SLC4A10: variants seen among roughly 807,000 people sequenced by gnomAD.
SLC4A10 encodes solute carrier family 4 member 10, also known as sodium-driven chloride bicarbonate exchanger.
SLC4A10 carries 42 observed loss-of-function variants against 137.7 expected under a neutral mutation model. The observed-to-expected ratio is 0.30, with a 90% CI of 0.24 to 0.39. SLC4A10 has a LOEUF of 0.39. Among genes scored for constraint, SLC4A10 ranks in the 10% least tolerant of loss-of-function variants. SLC4A10 has a pLI of 1.00. For synonymous variants in SLC4A10, 474 were observed against 464.1 expected (o/e 1.02, Z -0.27); for missense variants, 925 against 1,355.0 (o/e 0.68, Z 4.98).
intron 3 of SLC4A10, among the ~76,000 whole-genome samples, chr2:161,831,846 C>T (rs1216898577): frequency 6.6e-6 from 1 of 152,018 alleles, no homozygotes; most frequent in East Asian, 1.9e-4. Context: ...ATTTTTCTTT[C>T]TTTTTCTGAG....
chr2:161,703,405 A>G (rs2043323563), intron 1 of SLC4A10, among the ~76,000 whole-genome samples: 1 of 151,674 alleles, frequency 6.6e-6, no homozygotes, highest in South Asian at 2.1e-4. Flanking sequence ...TACTTGGTAA[A>G]GATTAATAGT....
At chr2:161,661,238 G>T (rs887161764) in intron 1 of SLC4A10, among the ~76,000 whole-genome samples, 1 of 152,156 alleles carries the variant, frequency 6.6e-6, no homozygotes, top group Non-Finnish European at 1.5e-5. Context: ...ACTTTGGGAG[G>T]CTGAGGTGGG....
chr2:161,671,976 G>A (rs1397514921), intron 1 of SLC4A10, among the ~76,000 whole-genome samples: 2 of 152,178 alleles, frequency 1.3e-5, no homozygotes, highest in Admixed American at 6.6e-5. Context: ...GTGTGAATTA[G>A]GGATTGCTTC....
At chr2:161,738,000 C>T (rs565504946) in intron 1 of SLC4A10, among the ~76,000 whole-genome samples, 1 of 152,252 alleles carries the variant, frequency 6.6e-6, no homozygotes, top group East Asian at 1.9e-4. Context: ...TAACTGGATC[C>T]AGGTCAGTTA....
chr2:161,638,593 C>G (rs1051236412), intron 1 of SLC4A10, among the ~76,000 whole-genome samples: 2 of 151,876 alleles, frequency 1.3e-5, no homozygotes, highest in South Asian at 4.1e-4. Flanking sequence ...GCTCAGATAT[C>G]TTTGTCTATT....
At chr2:161,705,916 T>C (rs1444156073) in intron 1 of SLC4A10, among the ~76,000 whole-genome samples, 3 of 151,602 alleles carry the variant, frequency 2.0e-5, no homozygotes, top group African/African-American at 7.3e-5. Context: ...GCCTAAAGTC[T>C]AGAGGCATTC....
intron 4 of SLC4A10, among the ~76,000 whole-genome samples, chr2:161,841,979 A>T (rs2059214051): frequency 6.6e-6 from 1 of 152,110 alleles, no homozygotes; most frequent in African/African-American, 2.4e-5. Flanking sequence ...TCCACTTCAT[A>T]TATTTGGAAC....
chr2:161,783,720 T>C (rs1461667775), intron 2 of SLC4A10, among the ~76,000 whole-genome samples: 1 of 151,642 alleles, frequency 6.6e-6, no homozygotes, highest in Admixed American at 6.6e-5. Context: ...GTCATTACTA[T>C]AAGGTATTAT....
intron 1 of SLC4A10, among the ~76,000 whole-genome samples, chr2:161,641,865 C>T (rs866054332): frequency 6.6e-6 from 1 of 151,862 alleles, no homozygotes; most frequent in Non-Finnish European, 1.5e-5. Flanking sequence ...CATGAAGCTG[C>T]CTCATAATTC....
chr2:161,650,314 T>A (rs1043096249), intron 1 of SLC4A10, among the ~76,000 whole-genome samples: 7 of 152,258 alleles, frequency 4.6e-5, no homozygotes, highest in African/African-American at 1.7e-4. Flanking sequence ...TGAGGCGTCT[T>A]TTTTCATTAC....
At chr2:161,868,989 A>G (rs1165375357) in intron 6 of SLC4A10, among the ~76,000 whole-genome samples, 1 of 151,700 alleles carries the variant, frequency 6.6e-6, no homozygotes, top group Non-Finnish European at 1.5e-5. Context: ...GGTAATATAA[A>G]GAAACAGGTA....
intron 1 of SLC4A10, among the ~76,000 whole-genome samples, chr2:161,740,264 AT>A (rs2047747241): frequency 6.6e-6 from 1 of 152,182 alleles, no homozygotes; most frequent in South Asian, 2.1e-4. Context: ...GCACTGTAGA[AT>A]CCATCAGCTC....
intron 1 of SLC4A10, among the ~76,000 whole-genome samples, chr2:161,663,769 T>G (rs2038726409): frequency 6.6e-6 from 1 of 152,086 alleles, no homozygotes; most frequent in Admixed American, 6.6e-5. Context: ...CTGCACATTT[T>G]TGTTTCAATT....
chr2:161,785,028 T>C (rs958779125), intron 2 of SLC4A10, among the ~76,000 whole-genome samples: 5 of 151,096 alleles, frequency 3.3e-5, no homozygotes, highest in African/African-American at 1.2e-4. Flanking sequence ...TTCAAATAAA[T>C]ATAAATCATA....
At chr2:161,970,204 T>C (rs2105944531) in intron 23 of SLC4A10, among the ~76,000 whole-genome samples, 1 of 152,332 alleles carries the variant, frequency 6.6e-6, no homozygotes, top group African/African-American at 2.4e-5. Context: ...ATAATTTACA[T>C]GATTACTTAG....
At chr2:161,920,962 C>T (rs1416905253) in intron 15 of SLC4A10, among the ~76,000 whole-genome samples, 1 of 152,154 alleles carries the variant, frequency 6.6e-6, no homozygotes, top group African/African-American at 2.4e-5. Context: ...CTGGAGATGT[C>T]CTTTGGACAT....
At chr2:161,933,312 A>T (rs1414290622) in intron 15 of SLC4A10, among the ~76,000 whole-genome samples, 13 of 77,452 alleles carry the variant, frequency 1.7e-4, no homozygotes, top group South Asian at 3.9e-4. Context: ...TTTTTTCTTT[A>T]TTTCTCTCTC....
At chr2:161,925,380 G>C (rs577521956) in intron 15 of SLC4A10, among the ~76,000 whole-genome samples, 2 of 152,226 alleles carry the variant, frequency 1.3e-5, no homozygotes, top group East Asian at 1.9e-4. Context: ...ATTTCTGTGG[G>C]ATCGGTGGTG....
chr2:161,633,959 T>A (rs550849827), intron 1 of SLC4A10, among the ~76,000 whole-genome samples: 1 of 151,942 alleles, frequency 6.6e-6, no homozygotes, highest in Non-Finnish European at 1.5e-5. Flanking sequence ...AGAATTCCCA[T>A]ATCCTTTTCA....
Sources: allele counts gnomAD v4.1 joint callset (sites outside exome capture counted in the v4.1 genomes callset), GRCh38; gene constraint gnomAD v4.1.1; transcripts MANE v1.5; gene names NCBI Gene and HGNC (gene_info 2026-07-23, HGNC 2026-07-21).